LAMC2: variants seen among roughly 807,000 people sequenced by gnomAD.
LAMC2 encodes laminin subunit gamma-2.
LAMC2 carries 97 observed loss-of-function variants against 140.2 expected under a neutral mutation model. The observed-to-expected ratio is 0.69, with a 90% CI of 0.59 to 0.82. The LOEUF is 0.82. Among genes scored for constraint, LAMC2 ranks in the 40% least tolerant of loss-of-function variants. The pLI, the probability that LAMC2 is intolerant of heterozygous loss-of-function variation, is 0.00. For missense variants in LAMC2, 1,402 were observed against 1,476.1 expected (o/e 0.95, Z 0.82); for synonymous variants, 513 against 540.2 (o/e 0.95, Z 0.70).
chr1:183,258,014 G>A, the LAMC2 span, among the ~76,000 whole-genome samples: 4 of 152,046 alleles, frequency 2.6e-5, no homozygotes, highest in Non-Finnish European at 5.9e-5. Context: ...ACTATCCTTA[G>A]TTTATCCTTT....
chr1:183,200,778 T>C (rs140157565), intron 1 of LAMC2, among the ~76,000 whole-genome samples: 100 of 152,246 alleles, frequency 6.6e-4, no homozygotes, highest in Middle Eastern at 3.4e-3. Flanking sequence ...GATCTGCGTC[T>C]CTGGGTGAGT....
At chr1:183,199,097 CTTTTTTTT>C (rs906113983) in intron 1 of LAMC2, among the ~76,000 whole-genome samples, 1 of 67,608 alleles carries the variant, frequency 1.5e-5, no homozygotes, top group African/African-American at 6.3e-5. Context: ...GTTGGCTTTT[CTTTTTTTT>C]TTTTTTTTTT....
Position 183,218,560 on chromosome 1 carries a change from G to A in LAMC2, c.503+72G>A. On this transcript the variant is annotated intron_variant, in intron 4 of 22. Transcript: ENST00000264144. ...CAACTAGCATGAGAATTAATCCTCC[G>A]AGTGTAATTATGGAAAAGGGATACT... 3.3e-5 allele frequency: 38 copies of A among 1,139,536 alleles called. 2 individuals carry two copies. In the South Asian group the frequency reaches 4.4e-4, roughly 13 times the overall value. 70.6% of individuals were successfully genotyped at this position (1,139,536 alleles called of 1,614,324 possible).
intron 22 of LAMC2, 156 bp downstream of exon 22, chr1:183,240,547 G>A: frequency 1.4e-6 from 2 of 1,451,914 alleles, no homozygotes; most frequent in Non-Finnish European, 1.8e-6. Context: ...ACTTTCGGCA[G>A]GTTCCCTTAC....
Position 183,235,692 on chromosome 1 carries a change from T to A in LAMC2, c.2418T>A (p.Gly806=), listed in dbSNP as rs553672320. The A allele has an allele frequency of 4.3e-6, 7 of 1,614,212 alleles. No individual in the cohort carries two copies. Among genetic ancestry groups the A allele is most frequent in the South Asian group, 3.3e-5 (3 of 91,082 alleles). Residue 806 remains glycine, a synonymous_variant, in exon 16 of 23, where the codon GGT becomes GGA. Transcript: ENST00000264144. ...ALHEGVGSGS[G]SPDGAVVQGL... ...ATGAAGGAGTCGGAAGCGGAAGCGG[T>A]AGCCCGGACGGTGCTGTGGTGCAAG...
At chr1:183,197,537 G>A (rs1001567033) in intron 1 of LAMC2, among the ~76,000 whole-genome samples, 3 of 152,056 alleles carry the variant, frequency 2.0e-5, no homozygotes, top group Non-Finnish European at 2.9e-5. Flanking sequence ...TTAGCCGGGC[G>A]TGCTGGCGGG....
At chr1:183,206,512 G>C (rs1658889351) in intron 1 of LAMC2, among the ~76,000 whole-genome samples, 1 of 152,132 alleles carries the variant, frequency 6.6e-6, no homozygotes, top group African/African-American at 2.4e-5. Flanking sequence ...GGGCATGGTG[G>C]TGCGCACCTA....
rs940761020 is a variant in LAMC2 at position 183,243,455 on chromosome 1, G to A, written c.*55G>A. The A allele has an allele frequency of 6.0e-5, 97 of 1,609,910 alleles. No homozygotes were observed. Among genetic ancestry groups the A allele is most frequent in the South Asian group, 2.5e-4 (23 of 90,912 alleles). ...TCTTGGGATACAGATCTCAGGGCTC[G>A]GGAGCCATGTCATGTGAGTGGGTGG... On this transcript the variant is annotated 3_prime_UTR_variant, in exon 23 of 23. Coordinates refer to ENST00000264144, the MANE Select transcript of LAMC2 (RefSeq NM_005562.3).
Position 183,226,902 on chromosome 1 carries a change from G to A in LAMC2, c.1271G>A (p.Cys424Tyr), listed in dbSNP as rs767869331. Residue 424 changes from cysteine (C) to tyrosine (Y), a missense_variant, in exon 9 of 23, where the codon TGT becomes TAT. Physicochemically the swap from Cys to Tyr is radical, Grantham distance 194. Around this residue, in one of 3 missense-constraint regions of LAMC2, gnomAD observed 723 missense variants for 783.3 expected, o/e 0.92. Coordinates refer to ENST00000264144, the MANE Select transcript of LAMC2 (RefSeq NM_005562.3). Reference sequence around the variant, plus strand: ...TGTAACTGTCAAGGGGGAGGGGCCTGTGATCCAGACACAGGTGAGTGAAAT... The same window carrying A: ...TGTAACTGTCAAGGGGGAGGGGCCTATGATCCAGACACAGGTGAGTGAAAT... Reference protein sequence around the residue: ...IPCNCQGGGACDPDTGDCYSG... With the variant: ...IPCNCQGGGAYDPDTGDCYSG... The A allele has an allele frequency of 6.2e-7, 1 of 1,613,960 alleles. No homozygotes were observed. Among genetic ancestry groups the A allele is most frequent in the South Asian group, 1.1e-5 (1 of 91,058 alleles).
intron 3 of LAMC2, 89 bp downstream of exon 3, chr1:183,215,677 T>G: frequency 3.4e-6 from 5 of 1,492,394 alleles, no homozygotes; most frequent in Non-Finnish European, 4.7e-6. Flanking sequence ...ACTGAGCCCC[T>G]ACCCTGTGCC....
the LAMC2 span, chr1:183,252,755 G>T: frequency 6.2e-7 from 1 of 1,605,598 alleles, no homozygotes; most frequent in Non-Finnish European, 8.5e-7. Context: ...TGCACAAGAA[G>T]AGATGACAAT....
intron 1 of LAMC2, among the ~76,000 whole-genome samples, chr1:183,203,025 A>G (rs1369283002): frequency 6.6e-6 from 1 of 152,188 alleles, no homozygotes; most frequent in East Asian, 1.9e-4. Context: ...TTCCTTTTTC[A>G]AAAGCATGAG....
intron 1 of LAMC2, among the ~76,000 whole-genome samples, chr1:183,205,541 A>G (rs1658856186): frequency 3.3e-5 from 5 of 152,242 alleles, no homozygotes; most frequent in African/African-American, 1.2e-4. Context: ...AGTACTGGTC[A>G]TATGAAGAAG....
In LAMC2 at chr1:183,244,639, C is replaced by T. The variant is rs1206085991; in HGVS notation, c.*1239C>T. On this transcript the variant is annotated 3_prime_UTR_variant, in exon 23 of 23. Transcript: ENST00000264144. ...TCTTTGCTCAACAGAACATATGTTGCAAGACCCTCCCATGGGGGCACTTGA... is the reference window on the plus strand; with the variant it reads ...TCTTTGCTCAACAGAACATATGTTGTAAGACCCTCCCATGGGGGCACTTGA... 1.3e-5 allele frequency: 2 copies of T among 152,654 alleles called. No homozygotes were observed. Among genetic ancestry groups the T allele is most frequent in the Non-Finnish European group, 2.9e-5 (2 of 68,040 alleles). The allele number at this position is 152,654 out of a possible 1,614,324, so 9.5% of individuals were successfully genotyped here. A position where few individuals can be genotyped will look rare whatever the true frequency, so the allele number is the denominator to read the frequency against.
chr1:183,220,588 C>A (rs972643463), intron 4 of LAMC2, among the ~76,000 whole-genome samples: 9 of 152,080 alleles, frequency 5.9e-5, no homozygotes, highest in African/African-American at 1.7e-4. Flanking sequence ...AAATGTGGCT[C>A]TGTTCTACAA....
At chr1:183,220,759 C>T in intron 4 of LAMC2, 66 bp from the exon 5 acceptor site, 1 of 1,481,414 alleles carries the variant, frequency 6.8e-7, no homozygotes, top group Admixed American at 1.7e-5. Flanking sequence ...CTGACTCATT[C>T]ATCATATTTT....
chr1:183,242,278 T>C (rs1195616952), intron 22 of LAMC2, among the ~76,000 whole-genome samples: 3 of 152,242 alleles, frequency 2.0e-5, no homozygotes, highest in African/African-American at 7.2e-5. Context: ...TCCATTTGGA[T>C]CAACATTTTT....
At chr1:183,215,349 C>G in intron 2 of LAMC2, 104 bp from the exon 3 acceptor site, 1 of 1,303,860 alleles carries the variant, frequency 7.7e-7, no homozygotes, top group Non-Finnish European at 1.1e-6. Flanking sequence ...GTGCTTCTTA[C>G]TTCGTGTTTA....
intron 1 of LAMC2, among the ~76,000 whole-genome samples, chr1:183,202,246 C>T (rs1209241767): frequency 1.3e-5 from 2 of 150,160 alleles, no homozygotes; most frequent in East Asian, 3.9e-4. Flanking sequence ...ACAAAGAAAA[C>T]CACACACACA....
Sources: gnomAD v4.1 joint callset for allele counts (sites outside exome capture counted in the v4.1 genomes callset) on GRCh38, gnomAD v4.1.1 for gene constraint, gnomAD v4.1.1 regional missense constraint, MANE v1.5 for transcripts, NCBI Gene and HGNC (gene_info 2026-07-23, HGNC 2026-07-21) for gene names.